NRG3: variants seen among roughly 807,000 people sequenced by gnomAD.
NRG3 encodes neuregulin 3, also known as pro-neuregulin-3, membrane-bound isoform.
In NRG3, 31 loss-of-function variants were observed where a neutral mutation model predicts 66.9. That is an observed-to-expected ratio of 0.46 (90% CI 0.35 to 0.63). The LOEUF is 0.63. NRG3 is among the 20% of genes least tolerant of loss of function. NRG3 has a pLI of 0.00. For missense variants in NRG3, 910 were observed against 878.9 expected, an observed-to-expected ratio of 1.04 and a Z score of -0.45; for synonymous variants, 393 against 359.4, an observed-to-expected ratio of 1.09 and a Z score of -1.06.
chr10:82,551,487 T>A (rs1254870409), intron 2 of NRG3, among the ~76,000 whole-genome samples: 1 of 152,146 alleles, frequency 6.6e-6, no homozygotes, highest in East Asian at 1.9e-4. Flanking sequence ...AGTAATATGA[T>A]CTTTGCATTG....
intron 1 of NRG3, among the ~76,000 whole-genome samples, chr10:82,015,356 C>A (rs999799689): frequency 4.6e-5 from 7 of 152,142 alleles, no homozygotes; most frequent in African/African-American, 1.7e-4. Context: ...ATTCATACTT[C>A]AAAATAGAAT....
chr10:82,629,682 C>T (rs776371612), intron 2 of NRG3, among the ~76,000 whole-genome samples: 3 of 152,132 alleles, frequency 2.0e-5, no homozygotes, highest in Non-Finnish European at 2.9e-5. Context: ...GGAGGTTACA[C>T]AGAGCTTTCA....
At chr10:82,242,604 A>G (rs949134474) in intron 1 of NRG3, among the ~76,000 whole-genome samples, 26 of 152,286 alleles carry the variant, frequency 1.7e-4, no homozygotes, top group African/African-American at 6.3e-4. Context: ...TTTTGCTGAG[A>G]CCTGGAGAGG....
chr10:82,074,126 CAGTT>C (rs1052119934), intron 1 of NRG3, among the ~76,000 whole-genome samples: 1 of 149,886 alleles, frequency 6.7e-6, no homozygotes, highest in Non-Finnish European at 1.5e-5. Flanking sequence ...TGGCTGCTGT[CAGTT>C]AGGGTGCTCA....
At chr10:82,748,522 G>A (rs2058732751) in intron 3 of NRG3, among the ~76,000 whole-genome samples, 1 of 150,826 alleles carries the variant, frequency 6.6e-6, no homozygotes, top group Non-Finnish European at 1.5e-5. Context: ...TGCAAAATAT[G>A]GTAGGATTGC....
chr10:82,055,607 T>A (rs575450393), intron 1 of NRG3, among the ~76,000 whole-genome samples: 72 of 152,172 alleles, frequency 4.7e-4, no homozygotes, highest in African/African-American at 1.6e-3. Flanking sequence ...TTTTATCTAA[T>A]TGTTTTGAGG....
chr10:82,454,123 C>A (rs921342174), intron 2 of NRG3, among the ~76,000 whole-genome samples: 18 of 152,126 alleles, frequency 1.2e-4, no homozygotes, highest in African/African-American at 4.3e-4. Context: ...GATCAATTGC[C>A]AGATGGAAGT....
chr10:82,292,037 A>C (rs1196879245), intron 1 of NRG3, among the ~76,000 whole-genome samples: 1 of 152,188 alleles, frequency 6.6e-6, no homozygotes, highest in Non-Finnish European at 1.5e-5. Flanking sequence ...GAAAAAACAA[A>C]GTAAAGACTG....
At chr10:82,673,200 C>T (rs568851996) in intron 2 of NRG3, among the ~76,000 whole-genome samples, 27 of 152,338 alleles carry the variant, frequency 1.8e-4, no homozygotes, top group Admixed American at 1.2e-3. Flanking sequence ...GGGCTGGCCC[C>T]GCCTTGCACC....
At chr10:82,072,816 G>T (rs974657756) in intron 1 of NRG3, among the ~76,000 whole-genome samples, 1 of 151,612 alleles carries the variant, frequency 6.6e-6, no homozygotes, top group African/African-American at 2.4e-5. Context: ...GCCCAAGCTG[G>T]AGTGCAGTGG....
intron 1 of NRG3, among the ~76,000 whole-genome samples, chr10:81,976,705 G>A (rs1021516315): frequency 2.6e-5 from 4 of 152,160 alleles, no homozygotes; most frequent in African/African-American, 7.2e-5. Flanking sequence ...GTTCTAAGGC[G>A]TCCAGAGCAA....
chr10:82,919,169 C>T (rs561592512), intron 4 of NRG3, among the ~76,000 whole-genome samples: 1 of 151,706 alleles, frequency 6.6e-6, no homozygotes, highest in East Asian at 1.9e-4. Context: ...GCAGCATCAA[C>T]TTTAGAATGA....
intron 1 of NRG3, among the ~76,000 whole-genome samples, chr10:82,195,758 A>G (rs562857331): frequency 2.0e-3 from 312 of 152,278 alleles, no homozygotes; most frequent in African/African-American, 7.3e-3. Context: ...GGTAAAATTA[A>G]TGTAATTACA....
chr10:82,858,365 G>A (rs1176763338), intron 3 of NRG3, among the ~76,000 whole-genome samples: 1 of 151,926 alleles, frequency 6.6e-6, no homozygotes, highest in African/African-American at 2.4e-5. Context: ...GTAATAAACT[G>A]GGACATGCAG....
chr10:82,623,310 C>T (rs968533578), intron 2 of NRG3, among the ~76,000 whole-genome samples: 3 of 152,144 alleles, frequency 2.0e-5, no homozygotes, highest in African/African-American at 7.2e-5. Context: ...CAGCCTGCTT[C>T]TCCATCAAGT....
chr10:82,856,460 G>C (rs1263072626), intron 3 of NRG3, among the ~76,000 whole-genome samples: 2 of 151,860 alleles, frequency 1.3e-5, no homozygotes, highest in Non-Finnish European at 2.9e-5. Flanking sequence ...AAAAGGATAT[G>C]TGGGCTGGGC....
chr10:82,383,855 C>G (rs1191405319), intron 2 of NRG3, among the ~76,000 whole-genome samples: 1 of 151,832 alleles, frequency 6.6e-6, no homozygotes, highest in Non-Finnish European at 1.5e-5. Flanking sequence ...TCAATGTTCA[C>G]AGATACAAAA....
intron 1 of NRG3, among the ~76,000 whole-genome samples, chr10:82,127,576 A>G (rs535262115): frequency 6.6e-6 from 1 of 152,126 alleles, no homozygotes; most frequent in Non-Finnish European, 1.5e-5. Flanking sequence ...AGCTTAGTTA[A>G]TACTTTGGGC....
chr10:82,883,345 C>T (rs1327828678), intron 4 of NRG3, among the ~76,000 whole-genome samples: 1 of 152,094 alleles, frequency 6.6e-6, no homozygotes, highest in Non-Finnish European at 1.5e-5. Context: ...GCAAGTTGAA[C>T]CTGTCCCTTT....
Sources: gnomAD v4.1 joint callset for allele counts (sites outside exome capture counted in the v4.1 genomes callset) on GRCh38, gnomAD v4.1.1 for gene constraint, MANE v1.5 for transcripts, NCBI Gene and HGNC (gene_info 2026-07-23, HGNC 2026-07-21) for gene names.